The following DNAH2 variants were observed in gnomAD, a reference collection of about 807,000 sequenced individuals.
The protein encoded by DNAH2 is dynein axonemal heavy chain 2.
A neutral mutation model predicts 523.5 loss-of-function variants in DNAH2; 323 were observed. The observed-to-expected ratio is 0.62, with a 90% confidence interval of 0.56 to 0.68. The LOEUF is 0.68. Ranked by LOEUF, DNAH2 falls within the 30% of genes least tolerant of loss-of-function variation. The pLI is 0.00. For missense variants in DNAH2, 4,907 were observed against 5,701.5 expected (o/e 0.86, Z 4.49); for synonymous variants, 2,093 against 2,177.4 (o/e 0.96, Z 1.08).
rs74877413 is a variant in DNAH2, at chr17:7,778,480, T to G, written c.5541+11T>G. 6.3e-6 allele frequency: 10 copies of G among 1,586,798 alleles called. No individual in the cohort carries two copies. The highest frequency in any genetic ancestry group is 8.6e-6 in the Non-Finnish European group (10 of 1,165,642). ...TCAGGTCTGGCCCAGGTCAGTATCCTGCCACCCTGTGCCAGAAGCCCCTTA... is the reference window on the plus strand; with the variant it reads ...TCAGGTCTGGCCCAGGTCAGTATCCGGCCACCCTGTGCCAGAAGCCCCTTA... On this transcript the variant is annotated intron_variant, in intron 35 of 85. Coordinates refer to ENST00000572933, the MANE Select transcript of DNAH2 (RefSeq NM_020877.5).
At chr17:7,741,027 G>A (rs917386211) in intron 11 of DNAH2, 35 bp downstream of exon 11, 2 of 1,571,082 alleles carry the variant, frequency 1.3e-6, no homozygotes, top group African/African-American at 2.7e-5. Context: ...TCTGTCGTCA[G>A]TGAGACCGCC....
At chr17:7,721,973 C>T (rs1466667943) in intron 2 of DNAH2, among the ~76,000 whole-genome samples, 1 of 152,150 alleles carries the variant, frequency 6.6e-6, no homozygotes, top group African/African-American at 2.4e-5. Flanking sequence ...CCTTCATTCC[C>T]TCACCCCTAC....
chr17:7,793,518 C>CTTT lies in DNAH2; in HGVS notation c.7569+314_7569+315insTTT, dbSNP rs1227502000. On this transcript the variant is annotated intron_variant, in intron 48 of 85. Transcript: ENST00000572933. ...TTCTTTCTTTCTTTCTTTCTTTCTTCTCTTTCTCTTTCTTTCTTTTTCTTT... is the reference window on the plus strand; with the variant it reads ...TTCTTTCTTTCTTTCTTTCTTTCTTCTTTTCTTTCTCTTTCTTTCTTTTTCTTT... Among the ~76,000 whole-genome samples, 6 of 75,276 alleles carry CTTT rather than the reference C, an allele frequency of 8.0e-5. No homozygotes were observed. In the East Asian group the frequency reaches 1.9e-3, roughly 24 times the overall value. 49.4% of individuals were successfully genotyped at this position (75,276 alleles called of 152,430 possible).
At chr17:7,771,105 G>A (rs2076302288) in intron 27 of DNAH2, among the ~76,000 whole-genome samples, 172 bp downstream of exon 27, 1 of 151,968 alleles carries the variant, frequency 6.6e-6, no homozygotes, top group African/African-American at 2.4e-5. Context: ...GATTCCCTCC[G>A]TAACAAGTTT....
intron 39 of DNAH2, among the ~76,000 whole-genome samples, chr17:7,783,609 G>C (rs2076659739): frequency 6.6e-6 from 1 of 152,018 alleles, no homozygotes; most frequent in African/African-American, 2.4e-5. Context: ...GATTGCTTGA[G>C]GTGAGGAGTT....
chr17:7,733,264 A>G lies in DNAH2; in HGVS notation c.577A>G (p.Ile193Val), dbSNP rs746084486. 3.7e-6 allele frequency: 6 copies of G among 1,614,182 alleles called. No individual in the cohort carries two copies. In the South Asian group the frequency reaches 6.6e-5, roughly 18 times the overall value. ...IFANTGWPES[I>V]RNHFASHLHK... ...TGCAAACACAGGCTGGCCTGAGAGCATTAGAAATCATTTTGCTTCTCATCT... is the reference window on the plus strand; with the variant it reads ...TGCAAACACAGGCTGGCCTGAGAGCGTTAGAAATCATTTTGCTTCTCATCT... Residue 193 changes from isoleucine to valine, a missense_variant, in exon 5 of 86, where the codon ATT (isoleucine) becomes GTT (valine). Around this residue, in one of 3 missense-constraint regions of DNAH2, gnomAD observed 2,806 missense variants for 3,190.8 expected, o/e 0.88. Coordinates refer to ENST00000572933, the MANE Select transcript of DNAH2 (RefSeq NM_020877.5).
chr17:7,788,172 G>A lies in DNAH2; in HGVS notation c.6828G>A (p.Val2276=). 1 of 1,613,802 alleles carries A rather than the reference G, an allele frequency of 6.2e-7. No individual in the cohort carries two copies. Among genetic ancestry groups the A allele is most frequent in the South Asian group, 1.1e-5 (1 of 90,966 alleles). Reference sequence around the variant, plus strand: ...AGAAGGACAACTGCAAGGAGCTGGTGCCCCTGCCCGAGTACAGCGGTATCA... The same window carrying A: ...AGAAGGACAACTGCAAGGAGCTGGTACCCCTGCCCGAGTACAGCGGTATCA... ...AFKKDNCKEL[V]PLPEYSGITS... Residue 2276 remains valine (V), a synonymous_variant, in exon 44 of 86, where the codon GTG becomes GTA. Transcript: ENST00000572933.
chr17:7,817,886 C>T (rs564113606), intron 67 of DNAH2, 30 bp downstream of exon 67: 14 of 1,613,902 alleles, frequency 8.7e-6, no homozygotes, highest in South Asian at 3.3e-5. Context: ...GGTTAGCCCC[C>T]CCCTTCCTGA....
chr17:7,770,728 A>G (rs1275270669), intron 26 of DNAH2, 25 bp from the exon 27 acceptor site: 2 of 1,613,912 alleles, frequency 1.2e-6, no homozygotes, highest in Non-Finnish European at 1.7e-6. Flanking sequence ...GGGATGAACT[A>G]TGATTTTGAC....
chr17:7,758,858 C>T, intron 14 of DNAH2, 27 bp from the exon 15 acceptor site: 1 of 1,610,746 alleles, frequency 6.2e-7, no homozygotes, highest in Non-Finnish European at 8.5e-7. Context: ...CGAGCTGAAA[C>T]TCCCCCATGA....
chr17:7,818,607 G>A (rs769183889), intron 69 of DNAH2, 36 bp from the exon 70 acceptor site: 4 of 1,611,524 alleles, frequency 2.5e-6, no homozygotes, highest in African/African-American at 2.7e-5. Flanking sequence ...GGTCGAAGGA[G>A]TGACAGCCCC....
intron 18 of DNAH2, among the ~76,000 whole-genome samples, chr17:7,763,316 A>C (rs1267903398): frequency 6.6e-6 from 1 of 152,124 alleles, no homozygotes; most frequent in African/African-American, 2.4e-5. Context: ...CTGCCACCGC[A>C]CTTGGCTAAT....
intron 77 of DNAH2, among the ~76,000 whole-genome samples, chr17:7,827,929 C>CTTTGTTTG (rs34340945): frequency 2.4e-4 from 36 of 151,532 alleles, no homozygotes; most frequent in East Asian, 1.2e-3. Flanking sequence ...ATACTTTAGT[C>CTTTGTTTG]TTTGTTTGTT....
rs1255432709 is a variant in DNAH2 at position 7,821,135 on chromosome 17, G to C, written c.11016-108G>C. On this transcript the variant is annotated intron_variant, in intron 72 of 85. Coordinates refer to ENST00000572933, the MANE Select transcript of DNAH2 (RefSeq NM_020877.5). This position sits in a 1 kb window ranked among gnomAD's most constrained non-coding sequence, Gnocchi z 5.0. ...TCCAGGAGGTTAGGATTAGAGGCTGGTGAGGTCCTCTGTGTGAAGCTGTGT... is the reference window on the plus strand; with the variant it reads ...TCCAGGAGGTTAGGATTAGAGGCTGCTGAGGTCCTCTGTGTGAAGCTGTGT... The C allele has an allele frequency of 1.4e-6, 2 of 1,459,814 alleles. No individual in the cohort carries two copies. The highest frequency in any genetic ancestry group is 9.2e-7 in the Non-Finnish European group (1 of 1,090,238). 90.4% of individuals were successfully genotyped at this position (1,459,814 alleles called of 1,614,324 possible).
intron 21 of DNAH2, 132 bp from the exon 22 acceptor site, chr17:7,766,186 C>G (rs1567663708): frequency 6.2e-6 from 6 of 964,534 alleles, no homozygotes; most frequent in Non-Finnish European, 7.7e-6. Flanking sequence ...AACGCGTTCC[C>G]TCTTACTCTC....
At chr17:7,801,732 C>G in intron 57 of DNAH2, 22 bp downstream of exon 57, 1 of 1,613,596 alleles carries the variant, frequency 6.2e-7, no homozygotes. Context: ...CTCCCCACCT[C>G]TCATTGCATC....
rs2077767430 is a variant in DNAH2, at chr17:7,818,911, C to A, written c.10671-8C>A. ...CCTTGCTCCATGTGCCTCTGGGCCT[C>A]CCCCTAGGCTGCTGAATGAGGCCAC... On this transcript the variant is annotated splice_polypyrimidine_tract_variant and splice_region_variant and intron_variant, in intron 70 of 85. Coordinates refer to ENST00000572933, the MANE Select transcript of DNAH2 (RefSeq NM_020877.5). 6.2e-7 allele frequency: 1 copy of A among 1,610,658 alleles called. No individual in the cohort carries two copies. Among genetic ancestry groups the A allele is most frequent in the Non-Finnish European group, 8.5e-7 (1 of 1,178,404 alleles).
chr17:7,778,591 CTTAT>C (rs199828031), intron 35 of DNAH2, 122 bp downstream of exon 35: 193 of 888,070 alleles, frequency 2.2e-4, no homozygotes, highest in Non-Finnish European at 2.5e-4. Context: ...ACATGTAATT[CTTAT>C]TTATTTATTT....
At chr17:7,833,020 G>A (rs779541528) in intron 84 of DNAH2, 51 bp from the exon 85 acceptor site, 2 of 1,612,714 alleles carry the variant, frequency 1.2e-6, no homozygotes, top group South Asian at 1.1e-5. Context: ...GGTCAGGGGC[G>A]CTGGCAATTG....
Sources: allele counts gnomAD v4.1 joint callset (sites outside exome capture counted in the v4.1 genomes callset), GRCh38; gene constraint gnomAD v4.1.1; regional missense constraint gnomAD v4.1.1; non-coding constraint Gnocchi (gnomAD v3.1); transcripts MANE v1.5; gene names NCBI Gene and HGNC (gene_info 2026-07-23, HGNC 2026-07-21).